The following SPECC1 variants were observed in gnomAD, a reference collection of about 807,000 sequenced individuals.
SPECC1 encodes the protein cytospin-B.
A neutral mutation model predicts 104.1 loss-of-function variants in SPECC1; 62 were observed. The ratio of observed to expected loss-of-function variants is 0.60; its 90% confidence interval spans 0.49 to 0.74. SPECC1 has a LOEUF of 0.74. SPECC1 is among the 30% of genes least tolerant of loss of function. The probability of loss-of-function intolerance (pLI) is 0.00; values close to 1 mark genes in which losing one functional copy is unlikely to be tolerated. For synonymous variants in SPECC1, 513 were observed against 501.6 expected (o/e 1.02, Z -0.30); for missense variants, 1,306 against 1,310.5 (o/e 1.00, Z 0.05).
Position 20,306,007 on chromosome 17 carries a change from T to C in SPECC1, c.3058-16T>C. 2.5e-6 allele frequency: 4 copies of C among 1,612,760 alleles called. No homozygotes were observed. The South Asian group carries it at 3.3e-5, about 13-fold the overall frequency. On this transcript the variant is annotated splice_polypyrimidine_tract_variant and intron_variant, in intron 13 of 14. Coordinates refer to ENST00000395527, the MANE Select transcript of SPECC1 (RefSeq NM_001243439.2). The stretch of plus-strand genomic sequence containing the variant: ...TTTAAATTACTGATTCCAGTCTCTT[T>C]GTCTTTTTAACTTAGAAGAGGAATC...
At chr17:20,302,878 TAAAAAAAAAAAAAA>T (rs35060925) in intron 13 of SPECC1, among the ~76,000 whole-genome samples, 1 of 61,872 alleles carries the variant, frequency 1.6e-5, no homozygotes, top group African/African-American at 6.7e-5. Flanking sequence ...TGAGCCCATC[TAAAAAAAAAAAAAA>T]AAAAAAAAAA....
At chr17:20,111,661 G>A (rs547365801) in intron 3 of SPECC1, among the ~76,000 whole-genome samples, 1 of 152,264 alleles carries the variant, frequency 6.6e-6, no homozygotes, top group South Asian at 2.1e-4. Context: ...CCGGGTGTGG[G>A]ACAAATTGCG....
chr17:20,191,519 A>C (rs1176342141), intron 3 of SPECC1, among the ~76,000 whole-genome samples: 1 of 138,212 alleles, frequency 7.2e-6, no homozygotes, highest in East Asian at 2.3e-4. Context: ...TTATACTTTA[A>C]GTTCTGGGGT....
intron 4 of SPECC1, among the ~76,000 whole-genome samples, chr17:20,208,665 G>A (rs914479801): frequency 5.3e-5 from 8 of 152,216 alleles, no homozygotes; most frequent in Admixed American, 1.3e-4. Context: ...GAATAGAAGC[G>A]TGACGGTGGA....
chr17:20,033,134 T>G, intron 1 of SPECC1, among the ~76,000 whole-genome samples: 1 of 152,162 alleles, frequency 6.6e-6, no homozygotes, highest in East Asian at 1.9e-4. Flanking sequence ...TGGCTAATTT[T>G]TGTATTTTTA....
intron 1 of SPECC1, among the ~76,000 whole-genome samples, chr17:20,031,340 A>G (rs1008010541): frequency 1.3e-5 from 2 of 151,404 alleles, no homozygotes; most frequent in African/African-American, 4.9e-5. Flanking sequence ...ATTTTTTGAG[A>G]CGGAGTTTTG....
chr17:20,204,569 T>G lies in SPECC1; in HGVS notation c.520T>G (p.Leu174Val). The G allele has an allele frequency of 6.2e-7, 1 of 1,614,134 alleles. No individual in the cohort carries two copies. The highest frequency in any genetic ancestry group is 8.5e-7 in the Non-Finnish European group (1 of 1,180,026). The change falls in exon 4 of 15, where the codon TTG becomes GTG. Residue 174 changes from leucine (L) to valine (V), a missense_variant. Transcript: ENST00000395527. Reference protein sequence around the residue: ...AALESQVRELLAEAKAKDSEI... With the variant: ...AALESQVRELVAEAKAKDSEI... ...GCTTGAGTCCCAAGTTCGGGAACTT[T>G]TGGCAGAAGCCAAAGCAAAAGATAG...
At chr17:20,018,686 A>G (rs1253982057) in intron 1 of SPECC1, among the ~76,000 whole-genome samples, 1 of 152,236 alleles carries the variant, frequency 6.6e-6, no homozygotes, top group Non-Finnish European at 1.5e-5. Context: ...GATACAAAGC[A>G]CAATCAGCAA....
chr17:20,130,255 C>T (rs2049543437), intron 3 of SPECC1, among the ~76,000 whole-genome samples: 1 of 152,038 alleles, frequency 6.6e-6, no homozygotes, highest in African/African-American at 2.4e-5. Context: ...CGCTTTTCTA[C>T]TTTTGTGAAA....
intron 1 of SPECC1, among the ~76,000 whole-genome samples, chr17:20,065,266 G>A (rs1045399660): frequency 3.9e-5 from 6 of 152,164 alleles, no homozygotes. Context: ...CTGTCTACCT[G>A]GAGAGAGCAT....
At chr17:20,220,337 C>A (rs2037795696) in intron 4 of SPECC1, among the ~76,000 whole-genome samples, 1 of 152,086 alleles carries the variant, frequency 6.6e-6, no homozygotes, top group Non-Finnish European at 1.5e-5. Context: ...TGTGTGTTTT[C>A]TTCCATTTCT....
intron 1 of SPECC1, among the ~76,000 whole-genome samples, chr17:20,048,335 G>C (rs562961799): frequency 1.2e-4 from 19 of 152,020 alleles, no homozygotes; most frequent in Non-Finnish European, 2.6e-4. Context: ...GGGTTTCACT[G>C]TGTTAGCCAG....
chr17:20,095,225 T>G (rs972865412), intron 1 of SPECC1, among the ~76,000 whole-genome samples: 10 of 152,226 alleles, frequency 6.6e-5, no homozygotes, highest in Non-Finnish European at 1.5e-4. Flanking sequence ...GTAAAATACA[T>G]GATAATTAAC....
chr17:20,045,182 A>G (rs566684081), intron 1 of SPECC1, among the ~76,000 whole-genome samples: 1 of 152,264 alleles, frequency 6.6e-6, no homozygotes, highest in African/African-American at 2.4e-5. Context: ...AAATTAGCTC[A>G]TACTGACTAT....
At chr17:20,185,698 C>G (rs1190344893) in intron 3 of SPECC1, among the ~76,000 whole-genome samples, 2 of 152,198 alleles carry the variant, frequency 1.3e-5, no homozygotes, top group Non-Finnish European at 2.9e-5. Flanking sequence ...TGAAGGAATT[C>G]ATTCATTCAT....
chr17:20,298,948 A>AGAGAGAGTGTAT, intron 13 of SPECC1, among the ~76,000 whole-genome samples: 1 of 49,072 alleles, frequency 2.0e-5, no homozygotes, highest in African/African-American at 9.3e-5. Flanking sequence ...AGAGAGAGAG[A>AGAGAGAGTGTAT]GTGTGTGTGT....
At chr17:20,124,385 G>A (rs2049180949) in intron 3 of SPECC1, among the ~76,000 whole-genome samples, 1 of 152,120 alleles carries the variant, frequency 6.6e-6, no homozygotes, top group African/African-American at 2.4e-5. Context: ...GGGACATTCA[G>A]AGAGCTCAGC....
intron 3 of SPECC1, among the ~76,000 whole-genome samples, chr17:20,173,751 C>T (rs959718808): frequency 6.6e-6 from 1 of 152,214 alleles, no homozygotes; most frequent in Non-Finnish European, 1.5e-5. Context: ...GTACAGTCCA[C>T]AGGACACAAA....
chr17:20,151,903 G>A (rs1049140553), intron 3 of SPECC1, among the ~76,000 whole-genome samples: 1 of 151,578 alleles, frequency 6.6e-6, no homozygotes, highest in African/African-American at 2.4e-5. Context: ...AGAAAAATTA[G>A]CTGGGCATGG....
Sources: gnomAD v4.1 joint callset for allele counts (sites outside exome capture counted in the v4.1 genomes callset) on GRCh38, gnomAD v4.1.1 for gene constraint, MANE v1.5 for transcripts, NCBI Gene and HGNC (gene_info 2026-07-23, HGNC 2026-07-21) for gene names.